Variants in GREB1 observed in about 807,000 individuals in gnomAD.
GREB1 encodes the protein growth regulating estrogen receptor binding 1.
Under a neutral mutation model 200.7 loss-of-function variants are expected in GREB1, and 106 were observed. The ratio of observed to expected loss-of-function variants is 0.53; its 90% CI spans 0.45 to 0.62. GREB1 has a LOEUF of 0.62. Among genes scored for constraint, GREB1 ranks in the 20% least tolerant of loss-of-function variants. The probability of loss-of-function intolerance (pLI) is 0.00; values close to 1 mark genes in which losing one functional copy is unlikely to be tolerated. For synonymous variants in GREB1, 1,132 were observed against 1,092.4 expected (o/e 1.04, Z -0.72); for missense variants, 2,243 against 2,556.8 (o/e 0.88, Z 2.65).
chr2:11,618,264 C>CTGGGATGGG, intron 21 of GREB1, 24 bp from the exon 22 acceptor site: 1 of 1,359,992 alleles, frequency 7.4e-7, no homozygotes, highest in Non-Finnish European at 9.7e-7. Flanking sequence ...TAGGACGTCC[C>CTGGGATGGG]TGACCATGTT....
chr2:11,611,182 A>C, intron 18 of GREB1, among the ~76,000 whole-genome samples, 155 bp downstream of exon 18: 3 of 146,472 alleles, frequency 2.0e-5, no homozygotes. Context: ...GTGCTTCCCC[A>C]CCTCTGCCCT....
At chr2:11,572,611 G>A (rs1434416119) in intron 4 of GREB1, among the ~76,000 whole-genome samples, 1 of 151,996 alleles carries the variant, frequency 6.6e-6, no homozygotes, top group Non-Finnish European at 1.5e-5. Context: ...ACACTGTTGT[G>A]GGGGGCTATA....
chr2:11,607,448 GTGTGTGTGTGTGTATATA>G (rs1558624528), intron 17 of GREB1, among the ~76,000 whole-genome samples: 13 of 117,368 alleles, frequency 1.1e-4, no homozygotes, highest in Non-Finnish European at 1.2e-4. Context: ...GTGTGTGTGT[GTGTGTGTGTGTGTATATA>G]TATATACACA....
chr2:11,579,397 G>A (rs963176311), intron 6 of GREB1, among the ~76,000 whole-genome samples: 1 of 152,246 alleles, frequency 6.6e-6, no homozygotes, highest in South Asian at 2.1e-4. Flanking sequence ...CATCTGTAAA[G>A]TTGGGCAAAT....
intron 1 of GREB1, among the ~76,000 whole-genome samples, chr2:11,550,126 G>T (rs1209423309): frequency 6.6e-6 from 1 of 152,212 alleles, no homozygotes; most frequent in Non-Finnish European, 1.5e-5. Flanking sequence ...GCTGAGGCAG[G>T]AGAATCGCTT....
chr2:11,585,884 G>T lies in GREB1; in HGVS notation c.1138G>T (p.Ala380Ser), dbSNP rs1215795994. 6.2e-7 allele frequency: 1 copy of T among 1,613,978 alleles called. No homozygotes were observed. Among genetic ancestry groups the T allele is most frequent in the East Asian group, 2.2e-5 (1 of 44,884 alleles). The stretch of plus-strand genomic sequence containing the variant: ...TGACAACTTGCTGAAAATATGCAAG[G>T]CCAAGCCAGTGATATTTAAAGGCAA... ...VPDNLLKICKAKPVIFKGHGN... is the reference protein window; with the variant it reads ...VPDNLLKICKSKPVIFKGHGN... The change falls in exon 9 of 33, where the codon GCC becomes TCC. Residue 380 changes from alanine (A) to serine (S), a missense_variant. Ala to Ser is a moderately conservative substitution (Grantham distance 99). Around this residue, in one of 3 missense-constraint regions of GREB1, gnomAD observed 1,178 missense variants for 1,387.4 expected, o/e 0.85. Coordinates refer to ENST00000381486, the MANE Select transcript of GREB1 (RefSeq NM_014668.4).
intron 19 of GREB1, among the ~76,000 whole-genome samples, chr2:11,614,124 G>GTTTTTTTTTTTTTTTTTTTTTT (rs1558636075): frequency 7.5e-6 from 1 of 133,400 alleles, no homozygotes; most frequent in Non-Finnish European, 1.5e-5. Context: ...AGCGGACTTA[G>GTTTTTTTTTTTTTTTTTTTTTT]ATTTTTTTTT....
intron 25 of GREB1, among the ~76,000 whole-genome samples, chr2:11,627,752 G>A (rs879723612): frequency 4.6e-5 from 7 of 152,202 alleles, no homozygotes; most frequent in African/African-American, 7.2e-5. Flanking sequence ...CTGAAGCCAC[G>A]CCTGCAAGCC....
chr2:11,510,585 C>T (rs913564743), intron 1 of GREB1, among the ~76,000 whole-genome samples: 2 of 152,162 alleles, frequency 1.3e-5, no homozygotes, highest in Non-Finnish European at 2.9e-5. Context: ...GGTTCTTTTC[C>T]TTTATCCACC....
rs190204042 is a variant in GREB1 at position 11,509,500 on chromosome 2, C to T, written c.-159+27119C>T. Among the ~76,000 whole-genome samples the T allele has an allele frequency of 7.0e-3, 1,056 of 151,822 alleles. 33 individuals are homozygous for T. The highest frequency in any genetic ancestry group is 0.061 in the Admixed American group (928 of 15,242). On this transcript the variant is annotated intron_variant, in intron 1 of 2. Coordinates refer to the GREB1 transcript ENST00000628795. Reference sequence around the variant, plus strand: ...TTAAAAAAAAAAGTTACCACAATACCGTTATCACACCTAAAAAACATTAAC... The same window carrying T: ...TTAAAAAAAAAAGTTACCACAATACTGTTATCACACCTAAAAAACATTAAC...
chr2:11,618,909 G>A lies in GREB1; in HGVS notation c.4034G>A (p.Gly1345Asp). ...CACCCCCGCAGGCTGCTGCTCAGCG[G>A]CCCCCCTCAGGTGAGTGTTGCTCGC... ...GFHPRRLLLS[G>D]PPQIGKTGAY... The change falls in exon 22 of 33, where the codon GGC becomes GAC. Residue 1345 changes from glycine to aspartate, a missense_variant. By Grantham distance (94) the Gly-to-Asp change is moderately conservative (BLOSUM62 -1). This residue lies in a region of GREB1 where 587 missense variants were observed against 553.1 expected (regional missense o/e 1.06). Transcript: ENST00000381486. 1 of 1,521,848 alleles carries A rather than the reference G, an allele frequency of 6.6e-7. No homozygotes were observed. The highest frequency in any genetic ancestry group is 8.8e-7 in the Non-Finnish European group (1 of 1,138,716). The allele number at this position is 1,521,848 out of a possible 1,614,324, so 94.3% of individuals were successfully genotyped here.
At chr2:11,536,523 G>A (rs927733909) in intron 1 of GREB1, among the ~76,000 whole-genome samples, 6 of 152,208 alleles carry the variant, frequency 3.9e-5, no homozygotes, top group Non-Finnish European at 1.5e-5. Context: ...AGAGAAAAAT[G>A]CCAAAAAGTG....
rs191932820 is a variant in GREB1 at position 11,619,847 on chromosome 2, T to A, written c.4044+928T>A. 1.7e-4 allele frequency among the ~76,000 whole-genome samples: 26 copies of A among 152,372 alleles called. No homozygotes were observed. In the East Asian group the frequency reaches 5.0e-3, roughly 29 times the overall value. ...GCAGATATTTTCTCTGAAGCTTCCC[T>A]GTGGTTGGGTGTCATATTTTCCTCT... On this transcript the variant is annotated intron_variant, in intron 22 of 32. Coordinates refer to ENST00000381486, the MANE Select transcript of GREB1 (RefSeq NM_014668.4).
At chr2:11,565,383 A>T (rs1219525842) in intron 3 of GREB1, among the ~76,000 whole-genome samples, 5 of 152,132 alleles carry the variant, frequency 3.3e-5, no homozygotes, top group Non-Finnish European at 7.4e-5. Flanking sequence ...CACAGAGCAA[A>T]TGCATGGTGA....
At position 11,578,444 on chromosome 2, in the gene GREB1, A is replaced by C. The variant is rs1172686104; in HGVS notation, c.772+13A>C. On this transcript the variant is annotated intron_variant, in intron 6 of 32. Coordinates refer to ENST00000381486, the MANE Select transcript of GREB1 (RefSeq NM_014668.4). ...GCTCAGCAGGCAGGTGAGGTGGTGG[A>C]GACACACCAGAGCTGCTAAACCCAC... 9 of 1,612,994 alleles carry C rather than the reference A, an allele frequency of 5.6e-6. No homozygotes were observed. The highest frequency in any genetic ancestry group is 2.7e-5 in the African/African-American group (2 of 74,900).
At chr2:11,572,441 G>C in intron 4 of GREB1, among the ~76,000 whole-genome samples, 1 of 152,226 alleles carries the variant, frequency 6.6e-6, no homozygotes, top group South Asian at 2.1e-4. Flanking sequence ...CAAGTGCTCA[G>C]AGACCACTGG....
At chr2:11,622,044 T>C (rs985435154) in intron 23 of GREB1, among the ~76,000 whole-genome samples, 2 of 152,204 alleles carry the variant, frequency 1.3e-5, no homozygotes, top group Non-Finnish European at 2.9e-5. Flanking sequence ...TTCTCTATTA[T>C]AGGGTTTTAT....
chr2:11,541,290 C>G (rs1674717890), intron 1 of GREB1, among the ~76,000 whole-genome samples: 1 of 152,084 alleles, frequency 6.6e-6, no homozygotes, highest in Non-Finnish European at 1.5e-5. Context: ...GGGCAGGAAG[C>G]CAGGGTTGGG....
intron 3 of GREB1, among the ~76,000 whole-genome samples, chr2:11,565,444 C>T (rs1399736964): frequency 2.6e-5 from 4 of 152,182 alleles, no homozygotes; most frequent in Non-Finnish European, 4.4e-5. Flanking sequence ...TCCTGTAGAG[C>T]TCTGCTGGGA....
Sources: gnomAD v4.1 joint callset for allele counts (sites outside exome capture counted in the v4.1 genomes callset) on GRCh38, gnomAD v4.1.1 for gene constraint, gnomAD v4.1.1 regional missense constraint, MANE v1.5 for transcripts, NCBI Gene and HGNC (gene_info 2026-07-23, HGNC 2026-07-21) for gene names.